Variants in PPM1L observed in about 807,000 individuals in gnomAD.
PPM1L encodes protein phosphatase 1L.
In PPM1L, 13 loss-of-function variants were observed where a neutral mutation model predicts 31.4. That is an observed-to-expected ratio of 0.41 (90% CI 0.27 to 0.66). PPM1L has a LOEUF of 0.66. PPM1L is among the 30% of genes least tolerant of loss of function. The pLI, the probability that PPM1L is intolerant of heterozygous loss-of-function variation, is 0.29. For missense variants in PPM1L, 326 were observed against 453.7 expected (o/e 0.72, Z 2.56); for synonymous variants, 184 against 175.4 (o/e 1.05, Z -0.39).
intron 1 of PPM1L, among the ~76,000 whole-genome samples, chr3:160,919,502 G>A (rs944406510): frequency 6.6e-6 from 1 of 152,194 alleles, no homozygotes; most frequent in African/African-American, 2.4e-5. Context: ...TACCTGGTAG[G>A]CTGATGGATG....
At chr3:160,836,509 T>G (rs958215598) in intron 1 of PPM1L, among the ~76,000 whole-genome samples, 71 of 152,222 alleles carry the variant, frequency 4.7e-4, no homozygotes, top group African/African-American at 1.7e-3. Context: ...GCAGCTCAAT[T>G]GAATTTTTCA....
chr3:160,782,870 T>G lies in PPM1L; in HGVS notation c.399+26163T>G, dbSNP rs767149148. ...CCTACTTGATTCTTTGCTCAGTTTTTAAATACTTCAGAAATGCTTGTTTAT... is the reference window on the plus strand; with the variant it reads ...CCTACTTGATTCTTTGCTCAGTTTTGAAATACTTCAGAAATGCTTGTTTAT... On this transcript the variant is annotated intron_variant, in intron 1 of 3. Coordinates refer to ENST00000498165, the MANE Select transcript of PPM1L (RefSeq NM_139245.4). Among the ~76,000 whole-genome samples the G allele has an allele frequency of 5.2e-4, 79 of 152,240 alleles. 1 individual carries two copies. Among genetic ancestry groups the G allele is most frequent in the Non-Finnish European group, 1.0e-4 (7 of 68,042 alleles).
intron 1 of PPM1L, among the ~76,000 whole-genome samples, chr3:160,804,131 A>G (rs1254636060): frequency 6.7e-6 from 1 of 149,350 alleles, no homozygotes; most frequent in African/African-American, 2.5e-5. Context: ...ACGGGGTTTC[A>G]CCGTGTTAGC....
chr3:160,770,553 G>A (rs1245291769), intron 1 of PPM1L, among the ~76,000 whole-genome samples: 1 of 152,132 alleles, frequency 6.6e-6, no homozygotes, highest in Non-Finnish European at 1.5e-5. Context: ...AGCATGCATC[G>A]ATTACATAAC....
At chr3:160,843,765 G>C in intron 1 of PPM1L, among the ~76,000 whole-genome samples, 1 of 151,788 alleles carries the variant, frequency 6.6e-6, no homozygotes, top group African/African-American at 2.4e-5. Flanking sequence ...ATTTGACCCA[G>C]TCATCCCATT....
At chr3:160,761,926 C>T (rs1462714659) in intron 1 of PPM1L, among the ~76,000 whole-genome samples, 1 of 152,100 alleles carries the variant, frequency 6.6e-6, no homozygotes, top group Admixed American at 6.6e-5. Context: ...GAATGACCTG[C>T]CCCAATGTTT....
intron 1 of PPM1L, among the ~76,000 whole-genome samples, chr3:160,884,690 C>A (rs2108040596): frequency 7.6e-6 from 1 of 131,228 alleles, no homozygotes; most frequent in South Asian, 2.4e-4. Flanking sequence ...ACAGAGCCCA[C>A]ATACAATGGA....
At chr3:160,842,275 A>T (rs1713907043) in intron 1 of PPM1L, 1 of 702,468 alleles carries the variant, frequency 1.4e-6, no homozygotes, top group South Asian at 1.5e-5. Context: ...AGACCAGAAC[A>T]TGCCTGCTTT....
At position 161,065,388 on chromosome 3, in the gene PPM1L, T is replaced by C. The variant is rs946781402; in HGVS notation, c.575-15T>C. 1.2e-6 allele frequency: 2 copies of C among 1,612,910 alleles called. No individual in the cohort carries two copies. The highest frequency in any genetic ancestry group is 1.7e-6 in the Non-Finnish European group (2 of 1,179,090). ...CTGCTGACCTCCCGCGTTCTCTCTC[T>C]CTTCTATTTTTCAGGCACAACGTGT... On this transcript the variant is annotated splice_polypyrimidine_tract_variant and intron_variant, in intron 2 of 3. Transcript: ENST00000498165.
chr3:161,055,074 C>T (rs1299147638), intron 2 of PPM1L, among the ~76,000 whole-genome samples: 5 of 152,074 alleles, frequency 3.3e-5, no homozygotes, highest in African/African-American at 1.2e-4. Flanking sequence ...TGATATGACT[C>T]TGATGATGGC....
rs1396293596 is a variant in PPM1L at position 161,069,062 on chromosome 3, A to G, written c.988A>G (p.Ser330Gly). ...GGATGAACCTCACTTTGGGGCCAAGAGCATAGTTTTACAGTCATTTTACAG... is the reference window on the plus strand; with the variant it reads ...GGATGAACCTCACTTTGGGGCCAAGGGCATAGTTTTACAGTCATTTTACAG... Reference protein sequence around the residue: ...RLDEPHFGAKSIVLQSFYRGC... With the variant: ...RLDEPHFGAKGIVLQSFYRGC... Residue 330 changes from serine to glycine, a missense_variant, in exon 4 of 4, where the codon AGC becomes GGC. Ser to Gly is a moderately conservative substitution (Grantham distance 56). Around this residue, in one of 3 missense-constraint regions of PPM1L, gnomAD observed 201 missense variants for 298.2 expected, o/e 0.67. Transcript: ENST00000498165. The G allele has an allele frequency of 6.2e-7, 1 of 1,614,198 alleles. No homozygotes were observed. The highest frequency in any genetic ancestry group is 2.2e-5 in the East Asian group (1 of 44,874).
intron 1 of PPM1L, among the ~76,000 whole-genome samples, chr3:160,865,665 C>T (rs1267506434): frequency 6.6e-6 from 1 of 152,130 alleles, no homozygotes; most frequent in African/African-American, 2.4e-5. Flanking sequence ...GTCCCAGCTA[C>T]TTGGGAGGCT....
intron 2 of PPM1L, among the ~76,000 whole-genome samples, chr3:160,981,123 A>G (rs1416948932): frequency 6.6e-6 from 1 of 152,152 alleles, no homozygotes; most frequent in East Asian, 1.9e-4. Flanking sequence ...GAGTATTTGT[A>G]TGGGTTTAAT....
At chr3:160,936,118 AT>A (rs1000294269) in intron 1 of PPM1L, among the ~76,000 whole-genome samples, 8 of 149,994 alleles carry the variant, frequency 5.3e-5, no homozygotes, top group African/African-American at 1.7e-4. Flanking sequence ...CTTGGAGAGA[AT>A]TTTTTTTTTC....
rs188738509 is a variant in PPM1L, at chr3:160,806,945, A to C, written c.399+50238A>C. 5.5e-3 allele frequency among the ~76,000 whole-genome samples: 831 copies of C among 152,182 alleles called. 1 individual carries two copies. Among genetic ancestry groups the C allele is most frequent in the South Asian group, 9.3e-3 (45 of 4,820 alleles). ...GAAAGAGAGGGAAAGAAAGAAAGAA[A>C]GAAAAGAGAGAAAGGAAAGAAAGAG... On this transcript the variant is annotated intron_variant, in intron 1 of 3. Transcript: ENST00000498165.
intron 1 of PPM1L, among the ~76,000 whole-genome samples, chr3:160,807,242 C>CA (rs1287305638): frequency 6.6e-6 from 1 of 152,172 alleles, no homozygotes; most frequent in Non-Finnish European, 1.5e-5. Context: ...AGCATATGGG[C>CA]ATTTAAACAA....
chr3:161,002,431 T>G (rs915735712), intron 2 of PPM1L, among the ~76,000 whole-genome samples: 21 of 152,196 alleles, frequency 1.4e-4, no homozygotes, highest in Non-Finnish European at 7.3e-5. Flanking sequence ...CCACAATGGT[T>G]GAACTAGTTT....
At chr3:160,790,560 C>T (rs768447975) in intron 1 of PPM1L, among the ~76,000 whole-genome samples, 1 of 152,022 alleles carries the variant, frequency 6.6e-6, no homozygotes, top group Admixed American at 6.6e-5. Flanking sequence ...TTTGGGAACA[C>T]TGATTTTGGA....
chr3:160,821,406 C>A (rs558999853), intron 1 of PPM1L, among the ~76,000 whole-genome samples: 2 of 152,008 alleles, frequency 1.3e-5, no homozygotes, highest in African/African-American at 4.8e-5. Flanking sequence ...CTGCCTAACC[C>A]TAGTCATATT....
Sources: allele counts gnomAD v4.1 joint callset (sites outside exome capture counted in the v4.1 genomes callset), GRCh38; gene constraint gnomAD v4.1.1; regional missense constraint gnomAD v4.1.1; transcripts MANE v1.5; gene names NCBI Gene and HGNC (gene_info 2026-07-23, HGNC 2026-07-21).